The following ZBTB49 variants were observed in gnomAD, a reference collection of about 807,000 sequenced individuals.
ZBTB49 encodes zinc finger and BTB domain-containing protein 49.
ZBTB49 carries 43 observed loss-of-function variants against 57.5 expected under a neutral mutation model. The observed-to-expected ratio is 0.75, with a 90% CI of 0.59 to 0.97. The LOEUF (loss-of-function observed/expected upper bound fraction) is 0.97. Among genes scored for constraint, ZBTB49 ranks in the 50% least tolerant of loss-of-function variants. The pLI is 0.00. For missense variants in ZBTB49, 938 were observed against 947.7 expected (o/e 0.99, Z 0.13); for synonymous variants, 369 against 362.1 (o/e 1.02, Z -0.22).
In ZBTB49 at chr4:4,309,820, T is replaced by G. The variant is rs369121766; in HGVS notation, c.1303-3221T>G. Among the ~76,000 whole-genome samples, 305 of 152,352 alleles carry G rather than the reference T, an allele frequency of 2.0e-3. 4 individuals carry two copies. The highest frequency in any genetic ancestry group is 6.5e-3 in the African/African-American group (272 of 41,582). ...TTACATTGTCATCTCTGAGGTTATA[T>G]TTGCCACACCTTTACCGTTGAATGT... On this transcript the variant is annotated intron_variant, in intron 4 of 7. Transcript: ENST00000337872.
intron 1 of ZBTB49, among the ~76,000 whole-genome samples, chr4:4,299,426 C>G (rs771696376): frequency 3.1e-4 from 47 of 151,380 alleles, no homozygotes; most frequent in Non-Finnish European, 5.4e-4. Flanking sequence ...ATTCAGTGAC[C>G]TGTGTACAGG....
At chr4:4,303,596 TTAA>T (rs2108880896) in intron 3 of ZBTB49, among the ~76,000 whole-genome samples, 1 of 152,320 alleles carries the variant, frequency 6.6e-6, no homozygotes, top group African/African-American at 2.4e-5. Flanking sequence ...AGTAAACTTT[TTAA>T]TAAGAATCAG....
At chr4:4,300,881 A>T (rs1720443400) in intron 2 of ZBTB49, among the ~76,000 whole-genome samples, 1 of 150,396 alleles carries the variant, frequency 6.6e-6, no homozygotes, top group Non-Finnish European at 1.5e-5. Context: ...TTTTTTTTTT[A>T]AAGTACTTTT....
rs199556301 is a variant in ZBTB49 at position 4,303,075 on chromosome 4, C to T, written c.1239C>T (p.His413=). 1 of 1,608,396 alleles carries T rather than the reference C, an allele frequency of 6.2e-7. No homozygotes were observed. Among genetic ancestry groups the T allele is most frequent in the African/African-American group, 1.3e-5 (1 of 74,818 alleles). Residue 413 remains histidine, a synonymous_variant, in exon 3 of 8, where the codon CAC becomes CAT. Coordinates refer to ENST00000337872, the MANE Select transcript of ZBTB49 (RefSeq NM_145291.4). Reference sequence around the variant, plus strand: ...AACACCCAAGCAACTTGGAGCTTCACAAACGGTCTCATACAGGTAACTGAT... The same window carrying T: ...AACACCCAAGCAACTTGGAGCTTCATAAACGGTCTCATACAGGTAACTGAT... ...PFKHPSNLEL[H]KRSHTGEKPF... is the part of the protein sequence containing the mutation.
At chr4:4,309,498 GC>G (rs1720888493) in intron 4 of ZBTB49, among the ~76,000 whole-genome samples, 1 of 152,228 alleles carries the variant, frequency 6.6e-6, no homozygotes, top group Admixed American at 6.5e-5. Context: ...AGAAAATGCG[GC>G]GTAATTACCT....
intron 1 of ZBTB49, among the ~76,000 whole-genome samples, chr4:4,295,842 TA>T (rs1720172637): frequency 6.6e-6 from 1 of 152,186 alleles, no homozygotes; most frequent in Admixed American, 6.5e-5. Flanking sequence ...GGAATCAGAA[TA>T]AGGTCTCGAT....
chr4:4,309,768 G>A (rs1011969638), intron 4 of ZBTB49, among the ~76,000 whole-genome samples: 3 of 152,194 alleles, frequency 2.0e-5, no homozygotes, highest in Admixed American at 6.5e-5. Context: ...CAAAAATAAG[G>A]ACACTTAGTG....
rs770134544 is a variant in ZBTB49 at position 4,300,104 on chromosome 4, A to G, written c.152+7A>G. ...CATTCAGCCAGTATTTTAGGTGGGT[A>G]TTTTAGACTTCATTCTCCTAGCTGT... On this transcript the variant is annotated splice_region_variant and intron_variant, in intron 2 of 7. Coordinates refer to ENST00000337872, the MANE Select transcript of ZBTB49 (RefSeq NM_145291.4). 3 of 1,613,776 alleles carry G rather than the reference A, an allele frequency of 1.9e-6. No individual in the cohort carries two copies. Among genetic ancestry groups the G allele is most frequent in the Admixed American group, 1.7e-5 (1 of 60,006 alleles).
rs1017877803 is a variant in ZBTB49 at position 4,321,550 on chromosome 4, G to A, written c.*234G>A. The stretch of plus-strand genomic sequence containing the variant: ...GAGGGAGCGCTGACGTCACAGAAGC[G>A]AAGGCTTGATGCTGTCTCAGCAGCC... On this transcript the variant is annotated 3_prime_UTR_variant, in exon 8 of 8. Coordinates refer to ENST00000337872, the MANE Select transcript of ZBTB49 (RefSeq NM_145291.4). The A allele has an allele frequency of 5.5e-5, 31 of 561,798 alleles. No homozygotes were observed. In the Admixed American group the frequency reaches 8.0e-4, roughly 14 times the overall value. The allele number at this position is 561,798 out of a possible 1,614,324, so 34.8% of individuals were successfully genotyped here.
Position 4,302,626 on chromosome 4 carries a change from T to C in ZBTB49, c.790T>C (p.Cys264Arg), listed in dbSNP as rs751155629. The C allele has an allele frequency of 1.2e-6, 2 of 1,612,964 alleles. No individual in the cohort carries two copies. Among genetic ancestry groups the C allele is most frequent in the East Asian group, 2.2e-5 (1 of 44,880 alleles). Residue 264 changes from cysteine (C) to arginine (R), a missense_variant, in exon 3 of 8, where the codon TGC becomes CGC. Physicochemically the swap from Cys to Arg is radical, Grantham distance 180. Transcript: ENST00000337872. Reference protein sequence around the residue: ...SQPCAVSHSECILESPEHLPS... With the variant: ...SQPCAVSHSERILESPEHLPS... Reference sequence around the variant, plus strand: ...GCCTTGTGCCGTCAGTCATTCTGAATGCATCCTGGAGTCTCCCGAGCACTT... The same window carrying C: ...GCCTTGTGCCGTCAGTCATTCTGAACGCATCCTGGAGTCTCCCGAGCACTT...
intron 4 of ZBTB49, among the ~76,000 whole-genome samples, chr4:4,308,647 G>A (rs976445160): frequency 7.9e-5 from 12 of 152,216 alleles, no homozygotes; most frequent in African/African-American, 2.4e-5. Context: ...CTGTTTTAAT[G>A]TTTGTTGCAA....
intron 3 of ZBTB49, among the ~76,000 whole-genome samples, chr4:4,304,536 A>AT (rs11403727): frequency 0.57 from 87,137 of 151,806 alleles, 25,091 homozygotes; most frequent in African/African-American, 0.65. Context: ...GTAATTTTTT[A>AT]TTGTGAAACT....
intron 7 of ZBTB49, among the ~76,000 whole-genome samples, chr4:4,317,906 T>C (rs754633409): frequency 2.0e-5 from 3 of 152,212 alleles, no homozygotes; most frequent in Non-Finnish European, 2.9e-5. Context: ...TCTCTGGTTT[T>C]AGTGGCAGCT....
chr4:4,301,862 C>A, intron 2 of ZBTB49, 127 bp from the exon 3 acceptor site: 1 of 976,590 alleles, frequency 1.0e-6, no homozygotes, highest in South Asian at 3.9e-5. Context: ...TTAAAATGTA[C>A]TTATGTTAAA....
At chr4:4,315,239 G>T (rs529954036) in intron 5 of ZBTB49, among the ~76,000 whole-genome samples, 1 of 152,180 alleles carries the variant, frequency 6.6e-6, no homozygotes, top group Admixed American at 6.5e-5. Context: ...GGTCTGTCCC[G>T]TGAGACCCCA....
At chr4:4,304,529 A>T (rs949086534) in intron 3 of ZBTB49, among the ~76,000 whole-genome samples, 4 of 99,982 alleles carry the variant, frequency 4.0e-5, no homozygotes, top group African/African-American at 1.7e-4. Context: ...GATGGCTGTA[A>T]TTTTTTATTG....
intron 1 of ZBTB49, among the ~76,000 whole-genome samples, chr4:4,290,689 C>G (rs909501473): frequency 2.6e-5 from 4 of 152,246 alleles, no homozygotes; most frequent in Admixed American, 6.5e-5. Context: ...GAAGCCAGCC[C>G]GGCCCGCCTC....
At chr4:4,308,346 G>C (rs1169484628) in intron 4 of ZBTB49, among the ~76,000 whole-genome samples, 2 of 152,064 alleles carry the variant, frequency 1.3e-5, no homozygotes, top group Non-Finnish European at 2.9e-5. Flanking sequence ...CAAAGTGCTG[G>C]GATTACAGGC....
chr4:4,307,634 C>A (rs533482039), intron 4 of ZBTB49, among the ~76,000 whole-genome samples: 2 of 152,328 alleles, frequency 1.3e-5, no homozygotes, highest in South Asian at 4.1e-4. Context: ...TTTCTCCTCT[C>A]CTGTCCATCC....
Sources: allele counts gnomAD v4.1 joint callset (sites outside exome capture counted in the v4.1 genomes callset), GRCh38; gene constraint gnomAD v4.1.1; transcripts MANE v1.5; gene names NCBI Gene and HGNC (gene_info 2026-07-23, HGNC 2026-07-21).